The following FSTL4 variants were observed in gnomAD, a reference collection of about 807,000 sequenced individuals.
FSTL4 encodes follistatin like 4, also known as follistatin-related protein 4.
A neutral mutation model predicts 78.2 loss-of-function variants in FSTL4; 28 were observed. The ratio of observed to expected loss-of-function variants is 0.36; its 90% confidence interval spans 0.27 to 0.49. The LOEUF is 0.49. Ranked by LOEUF, FSTL4 falls within the 20% of genes least tolerant of loss-of-function variation. The pLI, the probability that FSTL4 is intolerant of heterozygous loss-of-function variation, is 0.98. For missense variants in FSTL4, 922 were observed against 1,084.9 expected (o/e 0.85, Z 2.11); for synonymous variants, 422 against 440.5 (o/e 0.96, Z 0.53).
At chr5:133,817,423 T>C in the FSTL4 span, among the ~76,000 whole-genome samples, 17,460 of 152,152 alleles carry the variant, frequency 0.11, 1,495 homozygotes, top group African/African-American at 0.23. Context: ...TTACCAGGTG[T>C]GGTGACAGTA....
At chr5:133,802,623 C>T in the FSTL4 span, among the ~76,000 whole-genome samples, 25 of 109,192 alleles carry the variant, frequency 2.3e-4, no homozygotes, top group South Asian at 5.3e-3. Context: ...GGGCCTCACA[C>T]GGCATTTGTT....
At chr5:133,439,585 T>C (rs1189427811) in intron 3 of FSTL4, among the ~76,000 whole-genome samples, 2 of 152,214 alleles carry the variant, frequency 1.3e-5, no homozygotes, top group African/African-American at 4.8e-5. Flanking sequence ...GGTCTTCAAG[T>C]GCCAGCTCGT....
At chr5:133,550,083 A>C (rs1759662072) in intron 3 of FSTL4, among the ~76,000 whole-genome samples, 1 of 152,156 alleles carries the variant, frequency 6.6e-6, no homozygotes. Context: ...AATACTCTCA[A>C]AGCAAAAGTC....
chr5:133,557,045 A>G (rs1250139196), intron 3 of FSTL4, among the ~76,000 whole-genome samples: 1 of 152,090 alleles, frequency 6.6e-6, no homozygotes, highest in Non-Finnish European at 1.5e-5. Flanking sequence ...TGCTTGATGC[A>G]CCTCCCCAGG....
At chr5:133,555,888 A>C (rs1205192213) in intron 3 of FSTL4, among the ~76,000 whole-genome samples, 1 of 152,238 alleles carries the variant, frequency 6.6e-6, no homozygotes, top group African/African-American at 2.4e-5. Flanking sequence ...AAGGGAGAGC[A>C]AATAACTGCT....
At chr5:133,282,559 G>T (rs1013281256) in intron 6 of FSTL4, among the ~76,000 whole-genome samples, 3 of 152,226 alleles carry the variant, frequency 2.0e-5, no homozygotes, top group Admixed American at 6.5e-5. Context: ...TCTTGGGGGT[G>T]AGCTGGAGGT....
At chr5:133,608,657 T>C (rs774889161) in intron 1 of FSTL4, among the ~76,000 whole-genome samples, 27 of 152,244 alleles carry the variant, frequency 1.8e-4, no homozygotes, top group Admixed American at 6.5e-5. Context: ...TCTACCTCCT[T>C]GTGAAAACCA....
chr5:133,595,243 C>G (rs984935314), intron 2 of FSTL4, among the ~76,000 whole-genome samples: 4 of 152,154 alleles, frequency 2.6e-5, no homozygotes, highest in Non-Finnish European at 5.9e-5. Flanking sequence ...TTCTCTGAAG[C>G]CTCTCCTGGT....
rs201462920 is a variant in FSTL4, at chr5:133,225,804, C to T, written c.1031G>A (p.Arg344His). Reference protein sequence around the residue: ...VLQVNVPPVIRVYPESQAQEP... With the variant: ...VLQVNVPPVIHVYPESQAQEP... Reference sequence around the variant, plus strand: ...CTGTGCCTGGCTCTCTGGATAGACACGGATGACTGGCGGCACTGTGGGTGA... The same window carrying T: ...CTGTGCCTGGCTCTCTGGATAGACATGGATGACTGGCGGCACTGTGGGTGA... Residue 344 changes from arginine (R) to histidine (H), a missense_variant, in exon 9 of 16, where the codon CGT becomes CAT. Transcript: ENST00000265342. This position sits in a 1 kb window ranked among gnomAD's most constrained non-coding sequence, Gnocchi z 4.6. The T allele has an allele frequency of 2.9e-4, 462 of 1,586,312 alleles. No individual in the cohort carries two copies. The highest frequency in any genetic ancestry group is 1.4e-3 in the Admixed American group (77 of 55,254).
intron 3 of FSTL4, among the ~76,000 whole-genome samples, chr5:133,505,023 A>G (rs901814678): frequency 3.6e-4 from 55 of 152,250 alleles, no homozygotes; most frequent in African/African-American, 1.3e-3. Flanking sequence ...TTTTTAAGTA[A>G]CAATAAAGAA....
intron 3 of FSTL4, among the ~76,000 whole-genome samples, chr5:133,547,543 T>TA (rs1179858791): frequency 6.6e-6 from 1 of 152,208 alleles, no homozygotes; most frequent in African/African-American, 2.4e-5. Context: ...ATGGGGGCTT[T>TA]AAGAGGTGAT....
chr5:133,571,568 C>A (rs536275411), intron 2 of FSTL4, among the ~76,000 whole-genome samples: 2 of 152,148 alleles, frequency 1.3e-5, no homozygotes, highest in Non-Finnish European at 1.5e-5. Flanking sequence ...AAACTAGAAT[C>A]GAATAAAAGA....
At chr5:133,543,710 CT>C (rs1217635586) in intron 3 of FSTL4, among the ~76,000 whole-genome samples, 1 of 151,538 alleles carries the variant, frequency 6.6e-6, no homozygotes, top group Admixed American at 6.6e-5. Context: ...ATAGCTGGGC[CT>C]TTTTTTTCTA....
intron 6 of FSTL4, among the ~76,000 whole-genome samples, chr5:133,260,581 C>T (rs1223425758): frequency 6.6e-6 from 1 of 152,196 alleles, no homozygotes; most frequent in African/African-American, 2.4e-5. Flanking sequence ...CTCACAGCCT[C>T]CCGGCCCCTC....
the FSTL4 span, among the ~76,000 whole-genome samples, chr5:133,752,644 T>A: frequency 2.6e-5 from 4 of 151,742 alleles, no homozygotes; most frequent in African/African-American, 9.7e-5. Context: ...TAAATTAAAT[T>A]AAATTAAAGG....
At chr5:133,255,109 G>T (rs2126828550) in intron 6 of FSTL4, among the ~76,000 whole-genome samples, 1 of 152,348 alleles carries the variant, frequency 6.6e-6, no homozygotes, top group Non-Finnish European at 1.5e-5. Flanking sequence ...AGGTTTCCAA[G>T]GTCCCTGGAC....
intron 6 of FSTL4, among the ~76,000 whole-genome samples, chr5:133,291,081 G>C (rs1753252482): frequency 1.3e-5 from 2 of 152,196 alleles, no homozygotes; most frequent in Non-Finnish European, 2.9e-5. Context: ...CCGCCCACTT[G>C]GAAGCACTTA....
At chr5:133,548,543 A>T (rs1759627940) in intron 3 of FSTL4, among the ~76,000 whole-genome samples, 1 of 152,226 alleles carries the variant, frequency 6.6e-6, no homozygotes, top group Admixed American at 6.5e-5. Flanking sequence ...CATGAACAGC[A>T]AAAAATGGTA....
intron 12 of FSTL4, among the ~76,000 whole-genome samples, chr5:133,218,923 T>G (rs758934365): frequency 9.9e-5 from 15 of 152,254 alleles, no homozygotes; most frequent in Admixed American, 9.2e-4. Context: ...GCTATATGAT[T>G]AGCACCTAGT....
Sources: allele counts gnomAD v4.1 joint callset (sites outside exome capture counted in the v4.1 genomes callset), GRCh38; gene constraint gnomAD v4.1.1; non-coding constraint Gnocchi (gnomAD v3.1); transcripts MANE v1.5; gene names NCBI Gene and HGNC (gene_info 2026-07-23, HGNC 2026-07-21).